Variants in LTK observed in about 807,000 individuals in gnomAD.
The protein encoded by LTK is leukocyte tyrosine kinase receptor.
A neutral mutation model predicts 101.5 loss-of-function variants in LTK; 117 were observed. That is an observed-to-expected ratio of 1.15 (90% CI 0.99 to 1.34). LTK has a LOEUF of 1.34. LTK is among the 40% of genes most tolerant of loss of function. The probability of loss-of-function intolerance (pLI) is 0.00; values close to 1 mark genes in which losing one functional copy is unlikely to be tolerated. For synonymous variants in LTK, 563 were observed against 494.2 expected (o/e 1.14, Z -1.85); for missense variants, 1,252 against 1,164.7 (o/e 1.07, Z -1.09).
chr15:41,511,680 G>GC lies in LTK; in HGVS notation c.658-103dup, dbSNP rs2051468329. ...CCAGGGGGCCTGGATAAGGGCAGGG[G>GC]CCCCCAGCCCAGCCCAGGCCAGCCC... On this transcript the variant is annotated intron_variant, in intron 5 of 19. Transcript: ENST00000263800. The surrounding 1 kb of genome is among the most constrained non-coding windows in gnomAD (Gnocchi z 5.9). 1.4e-6 allele frequency: 2 copies of GC among 1,406,826 alleles called. No homozygotes were observed. The highest frequency in any genetic ancestry group is 1.8e-6 in the Non-Finnish European group (2 of 1,088,846). The allele number at this position is 1,406,826 out of a possible 1,614,324, so 87.1% of individuals were successfully genotyped here. A position where few individuals can be genotyped will look rare whatever the true frequency, so the allele number is the denominator to read the frequency against.
At chr15:41,510,456 C>G (rs1026937549) in intron 7 of LTK, among the ~76,000 whole-genome samples, 2 of 151,014 alleles carry the variant, frequency 1.3e-5, no homozygotes, top group Non-Finnish European at 3.0e-5. Flanking sequence ...AGGATAATTT[C>G]CATTGTTTTT....
At position 41,505,964 on chromosome 15, in the gene LTK, A is replaced by G. The variant is rs767801468; in HGVS notation, c.1583T>C (p.Leu528Pro). ...HGAFGEVYEG[L>P]VIGLPGDSSP... Reference sequence around the variant, plus strand: ...GGAGTCCCCAGGAAGGCCAATTACCAGTCCCTCATACACCTCCCCAAAGGC... The same window carrying G: ...GGAGTCCCCAGGAAGGCCAATTACCGGTCCCTCATACACCTCCCCAAAGGC... The change falls in exon 12 of 20, where the codon CTG becomes CCG. Residue 528 changes from leucine (L) to proline (P), a missense_variant. Physicochemically the swap from Leu to Pro is moderately conservative, Grantham distance 98. Coordinates refer to ENST00000263800, the MANE Select transcript of LTK (RefSeq NM_002344.6). 2 of 1,613,888 alleles carry G rather than the reference A, an allele frequency of 1.2e-6. No homozygotes were observed. The highest frequency in any genetic ancestry group is 1.7e-6 in the Non-Finnish European group (2 of 1,179,954).
rs775589141 is a variant in LTK, at chr15:41,505,975, C to T, written c.1572G>A (p.Val524=). The stretch of plus-strand genomic sequence containing the variant: ...GAAGGCCAATTACCAGTCCCTCATA[C>T]ACCTCCCCAAAGGCACCATGGCCCA... ...RALGHGAFGE[V]YEGLVIGLPG... Residue 524 remains valine, a synonymous_variant, in exon 12 of 20, where the codon GTG becomes GTA. Coordinates refer to ENST00000263800, the MANE Select transcript of LTK (RefSeq NM_002344.6). The T allele has an allele frequency of 1.1e-5, 17 of 1,613,868 alleles. No individual in the cohort carries two copies. The East Asian group carries it at 2.7e-4, about 25-fold the overall frequency.
chr15:41,505,758 G>A lies in LTK; in HGVS notation c.1652C>T (p.Ser551Leu), dbSNP rs201486520. The change falls in exon 13 of 20, where the codon TCG becomes TTG. Residue 551 changes from serine to leucine, a missense_variant. Transcript: ENST00000263800. ...VAIKTLPELC[S>L]PQDELDFLME... is the part of the protein sequence containing the mutation. ...GAGGAAATCCAGCTCATCCTGAGGCGAGCAGAGTTCTGGCAGGGTCTGGGG... is the reference window on the plus strand; with the variant it reads ...GAGGAAATCCAGCTCATCCTGAGGCAAGCAGAGTTCTGGCAGGGTCTGGGG... The A allele has an allele frequency of 5.1e-5, 83 of 1,613,892 alleles. No individual in the cohort carries two copies. The East Asian group carries it at 5.8e-4, about 11-fold the overall frequency.
rs776733022 is a variant in LTK, at chr15:41,505,198, T to C, written c.1925+10A>G. On this transcript the variant is annotated intron_variant, in intron 15 of 19. Transcript: ENST00000263800. ...GGATGGGGGTCCCCTGAGCCAGGAC[T>C]GCTCCTAACCTGTGGATGAAGTGAT... is the stretch of plus-strand genomic sequence containing the variant. 2.5e-6 allele frequency: 4 copies of C among 1,613,360 alleles called. No individual in the cohort carries two copies. Among genetic ancestry groups the C allele is most frequent in the Non-Finnish European group, 3.4e-6 (4 of 1,179,492 alleles).
chr15:41,505,667 G>C (rs1286574196), intron 13 of LTK, 46 bp downstream of exon 13: 11 of 1,610,084 alleles, frequency 6.8e-6, no homozygotes, highest in Non-Finnish European at 9.3e-6. Context: ...CTGTTCCCGG[G>C]CATTCCCCTC....
In LTK at chr15:41,504,649, C is replaced by G. The variant is rs760500650; in HGVS notation, c.2121-9G>C. 6.2e-7 allele frequency: 1 copy of G among 1,611,880 alleles called. No homozygotes were observed. The highest frequency in any genetic ancestry group is 8.5e-7 in the Non-Finnish European group (1 of 1,179,216). ...GCAGCACCCCAAAAGACCTGCATCA[C>G]AAGTGGGGGAACCAAGTGAGGCCCG... is the stretch of plus-strand genomic sequence containing the variant. On this transcript the variant is annotated splice_polypyrimidine_tract_variant and intron_variant, in intron 17 of 19. Transcript: ENST00000263800.
At position 41,513,081 on chromosome 15, in the gene LTK, A is replaced by G; in HGVS notation, c.83T>C (p.Phe28Ser). The G allele has an allele frequency of 1.2e-6, 2 of 1,610,890 alleles. No homozygotes were observed. Among genetic ancestry groups the G allele is most frequent in the Non-Finnish European group, 1.7e-6 (2 of 1,178,962 alleles). The part of the protein sequence containing the change: ...LCSSPGSQET[F>S]LRSSPLPLAS... ...CAGCGGCAGGGGCGAGGACCGCAGA[A>G]AAGTCTCCTGGGACCCCGGGCTAGA... is the stretch of plus-strand genomic sequence containing the variant. The change falls in exon 2 of 20, where the codon TTT becomes TCT. Residue 28 changes from phenylalanine to serine, a missense_variant. Coordinates refer to ENST00000263800, the MANE Select transcript of LTK (RefSeq NM_002344.6).
chr15:41,507,247 C>G lies in LTK; in HGVS notation c.1389G>C (p.Pro463=), dbSNP rs544250272. ...KWQGLQEMRL[P]SPELELSKLR... ...GCTTGCTCAGCTCAAGCTCAGGGCT[C>G]GGCAGCCTCATCTCCTGCAGGCCCT... Residue 463 remains proline (P), a synonymous_variant, in exon 11 of 20, where the codon CCG becomes CCC. Coordinates refer to ENST00000263800, the MANE Select transcript of LTK (RefSeq NM_002344.6). 3.7e-6 allele frequency: 6 copies of G among 1,608,792 alleles called. No homozygotes were observed. The East Asian group carries it at 8.9e-5, about 24-fold the overall frequency.
chr15:41,506,170 G>C (rs1291518839), intron 11 of LTK, among the ~76,000 whole-genome samples, 165 bp from the exon 12 acceptor site: 3 of 152,228 alleles, frequency 2.0e-5, no homozygotes, highest in Non-Finnish European at 4.4e-5. Context: ...CTGCAAGGGT[G>C]GTGCTCACTG....
At chr15:41,509,984 C>T (rs1313546182) in intron 7 of LTK, among the ~76,000 whole-genome samples, 1 of 152,242 alleles carries the variant, frequency 6.6e-6, no homozygotes, top group South Asian at 2.1e-4. Context: ...GTAAGAACAC[C>T]TATAATCTAC....
chr15:41,511,704 C>G lies in LTK; in HGVS notation c.657+113G>C. The G allele has an allele frequency of 7.0e-7, 1 of 1,426,976 alleles. No individual in the cohort carries two copies. Among genetic ancestry groups the G allele is most frequent in the Non-Finnish European group, 9.1e-7 (1 of 1,099,490 alleles). 88.4% of individuals were successfully genotyped at this position (1,426,976 alleles called of 1,614,324 possible). A position where few individuals can be genotyped will look rare whatever the true frequency, so the allele number is the denominator to read the frequency against. ...GGCCCCCAGCCCAGCCCAGGCCAGC[C>G]CAGCCCAGCGCAGGGATAGGGGGAC... On this transcript the variant is annotated intron_variant, in intron 5 of 19. Transcript: ENST00000263800. The surrounding 1 kb of genome is among the most constrained non-coding windows in gnomAD (Gnocchi z 5.9).
At position 41,513,077 on chromosome 15, in the gene LTK, C is replaced by A. The variant is rs199595844; in HGVS notation, c.87G>T (p.Leu29=). The part of the protein sequence containing the change: ...CSSPGSQETF[L]RSSPLPLASP... ...TTGCCAGCGGCAGGGGCGAGGACCG[C>A]AGAAAAGTCTCCTGGGACCCCGGGC... The change falls in exon 2 of 20, where the codon CTG becomes CTT. Residue 29 remains leucine, a synonymous_variant. Transcript: ENST00000263800. The A allele has an allele frequency of 5.0e-5, 81 of 1,611,014 alleles. No individual in the cohort carries two copies. The Admixed American group carries it at 1.0e-3, about 21-fold the overall frequency.
rs778936007 is a variant in LTK at position 41,505,004 on chromosome 15, A to G, written c.1986T>C (p.Ile662=). The G allele has an allele frequency of 6.2e-7, 1 of 1,613,464 alleles. No homozygotes were observed. Among genetic ancestry groups the G allele is most frequent in the South Asian group, 1.1e-5 (1 of 91,032 alleles). ...TATCTCGTGCCATCCCAAAGTCCCC[A>G]ATCTTGGCCACTCGGCTGGGTCCAG... The part of the protein sequence containing the change: ...SCAGPSRVAK[I]GDFGMARDIY... The change falls in exon 16 of 20, where the codon ATT becomes ATC. Residue 662 remains isoleucine, a synonymous_variant. Transcript: ENST00000263800.
Position 41,513,105 on chromosome 15 carries a change from G to T in LTK, c.59C>A (p.Ser20Tyr). The change falls in exon 2 of 20, where the codon TCT (serine) becomes TAT (tyrosine). Residue 20 changes from serine to tyrosine, a missense_variant. Coordinates refer to ENST00000263800, the MANE Select transcript of LTK (RefSeq NM_002344.6). ...WFGAAGAILC[S>Y]SPGSQETFLR... ...AAAAGTCTCCTGGGACCCCGGGCTAGAGCAGAGAATGGCGCCTGAAAGGTG... is the reference window on the plus strand; with the variant it reads ...AAAAGTCTCCTGGGACCCCGGGCTATAGCAGAGAATGGCGCCTGAAAGGTG... 2 of 1,605,258 alleles carry T rather than the reference G, an allele frequency of 1.2e-6. No homozygotes were observed. Among genetic ancestry groups the T allele is most frequent in the Non-Finnish European group, 8.5e-7 (1 of 1,176,572 alleles).
At chr15:41,512,596 C>G (rs1241623643) in intron 3 of LTK, 111 bp downstream of exon 3, 1 of 1,336,304 alleles carries the variant, frequency 7.5e-7, no homozygotes, top group African/African-American at 1.5e-5. Flanking sequence ...GGTGGACCTC[C>G]CCGCGGAATA....
In LTK at chr15:41,511,698, G is replaced by C. The variant is rs1054373824; in HGVS notation, c.657+119C>G. 1.2e-5 allele frequency: 17 copies of C among 1,403,358 alleles called. 1 individual carries two copies. The East Asian group carries it at 2.4e-4, about 20-fold the overall frequency. 86.9% of individuals were successfully genotyped at this position (1,403,358 alleles called of 1,614,324 possible). A position where few individuals can be genotyped will look rare whatever the true frequency, so the allele number is the denominator to read the frequency against. The stretch of plus-strand genomic sequence containing the variant: ...GGCAGGGGCCCCCAGCCCAGCCCAG[G>C]CCAGCCCAGCCCAGCGCAGGGATAG... On this transcript the variant is annotated intron_variant, in intron 5 of 19. Transcript: ENST00000263800. This position sits in a 1 kb window ranked among gnomAD's most constrained non-coding sequence, Gnocchi z 5.9.
chr15:41,513,167 T>C (rs1460646330), intron 1 of LTK, 47 bp from the exon 2 acceptor site: 3 of 1,528,028 alleles, frequency 2.0e-6, no homozygotes, highest in South Asian at 1.2e-5. Context: ...CGGGTGGAAA[T>C]AGGATATGAA....
intron 3 of LTK, 50 bp downstream of exon 3, chr15:41,512,657 A>G: frequency 2.0e-6 from 3 of 1,485,842 alleles, no homozygotes; most frequent in Non-Finnish European, 2.7e-6. Flanking sequence ...CTGAGGGTGA[A>G]ACCTCCAACT....
Sources: allele counts gnomAD v4.1 joint callset (sites outside exome capture counted in the v4.1 genomes callset), GRCh38; gene constraint gnomAD v4.1.1; non-coding constraint Gnocchi (gnomAD v3.1); transcripts MANE v1.5; gene names NCBI Gene and HGNC (gene_info 2026-07-23, HGNC 2026-07-21).